Variants in PLCB1 observed in about 807,000 individuals in gnomAD.
The protein encoded by PLCB1 is phospholipase C beta 1, also known as 1-phosphatidylinositol 4,5-bisphosphate phosphodiesterase beta-1.
A neutral mutation model predicts 161.8 loss-of-function variants in PLCB1; 46 were observed. That is an observed-to-expected ratio of 0.28 (90% confidence interval 0.22 to 0.36). The LOEUF (loss-of-function observed/expected upper bound fraction) is 0.36, where lower values mean the gene tolerates loss of function less well. PLCB1 is among the 10% of genes least tolerant of loss of function. PLCB1 has a pLI of 1.00. For missense variants in PLCB1, 1,016 were observed against 1,472.5 expected (o/e 0.69, Z 5.07); for synonymous variants, 517 against 503.7 (o/e 1.03, Z -0.35).
intron 4 of PLCB1, among the ~76,000 whole-genome samples, chr20:8,637,981 C>T (rs1182805342): frequency 1.3e-5 from 2 of 152,184 alleles, no homozygotes; most frequent in African/African-American, 4.8e-5. Context: ...GCAAGCTCTG[C>T]CTCCTGGGCT....
At chr20:8,253,209 C>T (rs1306611912) in intron 2 of PLCB1, among the ~76,000 whole-genome samples, 1 of 152,000 alleles carries the variant, frequency 6.6e-6, no homozygotes, top group Non-Finnish European at 1.5e-5. Flanking sequence ...TCCCTAAGGG[C>T]ATCCTTCAGC....
At chr20:8,231,152 T>C (rs947950371) in intron 2 of PLCB1, among the ~76,000 whole-genome samples, 2 of 152,176 alleles carry the variant, frequency 1.3e-5, no homozygotes, top group African/African-American at 4.8e-5. Context: ...CCCCTTTCAT[T>C]TCTTAGGTAG....
intron 3 of PLCB1, among the ~76,000 whole-genome samples, chr20:8,516,186 G>C (rs1056266618): frequency 6.6e-6 from 1 of 152,118 alleles, no homozygotes; most frequent in South Asian, 2.1e-4. Context: ...GAAAGACTTG[G>C]TCTGGGACAC....
At chr20:8,689,085 AT>A (rs57357454) in intron 10 of PLCB1, among the ~76,000 whole-genome samples, 120,563 of 142,612 alleles carry the variant, frequency 0.85, 50,844 homozygotes, top group African/African-American at 0.91. Context: ...ATTCCTCAGT[AT>A]TTTTTTTTTT....
rs2051302236 is a variant in PLCB1 at position 8,132,574 on chromosome 20, C to G, written c.-78C>G. 1 of 898,986 alleles carries G rather than the reference C, an allele frequency of 1.1e-6. No homozygotes were observed. Among genetic ancestry groups the G allele is most frequent in the East Asian group, 3.3e-5 (1 of 29,976 alleles). The allele number at this position is 898,986 out of a possible 1,614,324, so 55.7% of individuals were successfully genotyped here. On this transcript the variant is annotated 5_prime_UTR_variant, in exon 1 of 32. Transcript: ENST00000338037. The surrounding 1 kb of genome is among the most constrained non-coding windows in gnomAD (Gnocchi z 5.2). ...CCGGAGCAGAGAAAGGAGCCCGCGC[C>G]CCGCGCCCCGCGCCCCGCGCACGGT... is the stretch of plus-strand genomic sequence containing the variant.
intron 5 of PLCB1, among the ~76,000 whole-genome samples, chr20:8,646,567 C>T (rs6118280): frequency 6.6e-6 from 1 of 152,132 alleles, no homozygotes; most frequent in Non-Finnish European, 1.5e-5. Context: ...GCATATGTTC[C>T]TCATTTCTGT....
At chr20:8,561,148 C>A (rs2123022810) in intron 3 of PLCB1, among the ~76,000 whole-genome samples, 1 of 151,730 alleles carries the variant, frequency 6.6e-6, no homozygotes, top group South Asian at 2.1e-4. Flanking sequence ...ATGCTGAAGA[C>A]CGTTAGTGGA....
chr20:8,249,039 T>C (rs1297653223), intron 2 of PLCB1, among the ~76,000 whole-genome samples: 2 of 151,956 alleles, frequency 1.3e-5, no homozygotes, highest in Non-Finnish European at 2.9e-5. Flanking sequence ...TTTCAGAATT[T>C]AGAAGGAATT....
chr20:8,143,941 A>T (rs73078275), intron 1 of PLCB1, among the ~76,000 whole-genome samples: 24,290 of 152,154 alleles, frequency 0.16, 2,392 homozygotes, highest in Admixed American at 0.24. Context: ...GATATTTAGC[A>T]GTATCCCTCG....
chr20:8,571,214 G>A (rs1466915444), intron 3 of PLCB1, among the ~76,000 whole-genome samples: 1 of 152,150 alleles, frequency 6.6e-6, no homozygotes, highest in African/African-American at 2.4e-5. Context: ...GGTGGCTCAC[G>A]CCTGTAATCC....
At chr20:8,549,075 T>C (rs1264739818) in intron 3 of PLCB1, among the ~76,000 whole-genome samples, 1 of 152,158 alleles carries the variant, frequency 6.6e-6, no homozygotes, top group Non-Finnish European at 1.5e-5. Context: ...GATGATGGGT[T>C]GATAGGTGCA....
rs2146222901 is a variant in PLCB1 at position 8,790,221 on chromosome 20, A to T, written c.3383A>T (p.His1128Leu). The T allele has an allele frequency of 6.2e-7, 1 of 1,612,226 alleles. No individual in the cohort carries two copies. The highest frequency in any genetic ancestry group is 1.7e-5 in the Admixed American group (1 of 59,984). The change falls in exon 31 of 32, where the codon CAC becomes CTC. Residue 1128 changes from histidine to leucine, a missense_variant. His to Leu is a moderately conservative substitution (Grantham distance 99). Around this residue, in one of 10 missense-constraint regions of PLCB1, gnomAD observed 398 missense variants for 445.4 expected, o/e 0.89. Transcript: ENST00000338037. ...SKRQEKLVEK[H>L]KEIRQQILDE... Reference sequence around the variant, plus strand: ...CGGCAAGAAAAACTCGTAGAGAAACACAAGGAAATACGTCAGCAGATCCTG... The same window carrying T: ...CGGCAAGAAAAACTCGTAGAGAAACTCAAGGAAATACGTCAGCAGATCCTG...
chr20:8,702,440 G>A (rs1324863275), intron 11 of PLCB1, among the ~76,000 whole-genome samples: 2 of 152,110 alleles, frequency 1.3e-5, no homozygotes, highest in Non-Finnish European at 2.9e-5. Flanking sequence ...TAAAATATAT[G>A]AGGAAAACAT....
At chr20:8,147,235 G>A (rs2051462417) in intron 1 of PLCB1, among the ~76,000 whole-genome samples, 1 of 152,174 alleles carries the variant, frequency 6.6e-6, no homozygotes, top group South Asian at 2.1e-4. Context: ...AAAGAGCCCA[G>A]CAATCTGTGT....
At chr20:8,656,099 G>C (rs1471898143) in intron 7 of PLCB1, among the ~76,000 whole-genome samples, 3 of 152,000 alleles carry the variant, frequency 2.0e-5, no homozygotes, top group African/African-American at 7.2e-5. Context: ...TTGTGCCCAA[G>C]TAGCCCAAGT....
At chr20:8,525,290 T>C (rs915775831) in intron 3 of PLCB1, among the ~76,000 whole-genome samples, 20 of 151,944 alleles carry the variant, frequency 1.3e-4, no homozygotes, top group African/African-American at 4.6e-4. Context: ...AGACCAATTA[T>C]GGAAAAAACC....
intron 3 of PLCB1, among the ~76,000 whole-genome samples, chr20:8,596,123 ATTTTGTCTTTTGTTGCCATTGCT>A (rs1216507147): frequency 1.8e-4 from 27 of 151,472 alleles, no homozygotes; most frequent in African/African-American, 6.0e-4. Flanking sequence ...CCATTTGTCA[ATTTTGTCTTTTGTTGCCATTGCT>A]TTTGGTGTTT....
intron 2 of PLCB1, among the ~76,000 whole-genome samples, chr20:8,304,002 C>T (rs988754212): frequency 6.6e-6 from 1 of 152,144 alleles, no homozygotes; most frequent in African/African-American, 2.4e-5. Context: ...GCATTTCTTG[C>T]TGTTTTCTTG....
chr20:8,376,456 TATTGATTCATTG>T (rs1987083120), intron 3 of PLCB1, among the ~76,000 whole-genome samples: 1 of 152,206 alleles, frequency 6.6e-6, no homozygotes, highest in African/African-American at 2.4e-5. Context: ...CTTCATTCTT[TATTGATTCATTG>T]ATTGATTGAT....
Sources: gnomAD v4.1 joint callset for allele counts (sites outside exome capture counted in the v4.1 genomes callset) on GRCh38, gnomAD v4.1.1 for gene constraint, gnomAD v4.1.1 regional missense constraint, Gnocchi (gnomAD v3.1) non-coding constraint, MANE v1.5 for transcripts, NCBI Gene and HGNC (gene_info 2026-07-23, HGNC 2026-07-21) for gene names.